ATP8B1: variants seen among roughly 807,000 people sequenced by gnomAD.
ATP8B1 encodes the protein phospholipid-transporting ATPase IC.
In ATP8B1, 80 loss-of-function variants were observed where a neutral mutation model predicts 149.9. The ratio of observed to expected loss-of-function variants is 0.53; its 90% CI spans 0.45 to 0.64. The LOEUF is 0.64. ATP8B1 is among the 30% of genes least tolerant of loss of function. The pLI is 0.00. For synonymous variants in ATP8B1, 536 were observed against 562.8 expected (o/e 0.95, Z 0.67); for missense variants, 1,247 against 1,552.6 (o/e 0.80, Z 3.31).
At chr18:57,728,586 G>C (rs544597709) in intron 2 of ATP8B1, among the ~76,000 whole-genome samples, 20 of 152,138 alleles carry the variant, frequency 1.3e-4, no homozygotes, top group African/African-American at 4.8e-4. Flanking sequence ...GGCGCAGAGA[G>C]GTATTAGAAT....
intron 1 of ATP8B1, among the ~76,000 whole-genome samples, chr18:57,794,056 TTC>T (rs1446437727): frequency 6.6e-6 from 1 of 152,192 alleles, no homozygotes; most frequent in Non-Finnish European, 1.5e-5. Flanking sequence ...AACCCCAGTA[TTC>T]TTTTTGTGGC....
At chr18:57,682,107 C>T (rs1324319551) in intron 15 of ATP8B1, among the ~76,000 whole-genome samples, 3 of 151,474 alleles carry the variant, frequency 2.0e-5, no homozygotes, top group Admixed American at 6.6e-5. Flanking sequence ...CAGGTTCAAG[C>T]GATTCTCCTG....
rs140462879 is a variant in ATP8B1 at position 57,651,921 on chromosome 18, A to C, written c.3400+113T>G. The C allele has an allele frequency of 1.3e-3, 1,711 of 1,348,220 alleles. 24 individuals carry two copies. The African/African-American group carries it at 0.023, about 18-fold the overall frequency. The allele number at this position is 1,348,220 out of a possible 1,614,324, so 83.5% of individuals were successfully genotyped here. On this transcript the variant is annotated intron_variant, in intron 26 of 27. Transcript: ENST00000648908. ...AATGCTGGGATTACAGGTGTGAGCC[A>C]CTGTGCCCAGCCATTCCACCTTGTA...
chr18:57,741,429 T>C (rs1349329751), intron 1 of ATP8B1, among the ~76,000 whole-genome samples: 2 of 152,228 alleles, frequency 1.3e-5, no homozygotes, highest in South Asian at 2.1e-4. Context: ...CAGCAGGGAC[T>C]GGAGCCCTCA....
intron 3 of ATP8B1, among the ~76,000 whole-genome samples, chr18:57,705,858 T>TTTA (rs888130782): frequency 2.4e-4 from 37 of 151,888 alleles, no homozygotes; most frequent in Non-Finnish European, 4.1e-4. Context: ...ACACTTAATA[T>TTTA]TTATTATTAT....
chr18:57,730,628 G>A (rs2079753200), intron 2 of ATP8B1, among the ~76,000 whole-genome samples: 1 of 152,146 alleles, frequency 6.6e-6, no homozygotes, highest in African/African-American at 2.4e-5. Context: ...AGCAAGCCAT[G>A]TTCTACTGCC....
At chr18:57,719,373 C>T (rs1490838611) in intron 2 of ATP8B1, among the ~76,000 whole-genome samples, 1 of 152,174 alleles carries the variant, frequency 6.6e-6, no homozygotes, top group Non-Finnish European at 1.5e-5. Context: ...TAGGGAGTGC[C>T]AGACAGTGGG....
intron 15 of ATP8B1, among the ~76,000 whole-genome samples, chr18:57,681,251 C>A (rs1468470809): frequency 6.9e-6 from 1 of 143,974 alleles, no homozygotes; most frequent in African/African-American, 2.5e-5. Flanking sequence ...GGAGGGCAAC[C>A]CAGTTGATAA....
intron 15 of ATP8B1, among the ~76,000 whole-genome samples, chr18:57,681,824 G>C (rs1911991688): frequency 6.6e-6 from 1 of 151,918 alleles, no homozygotes; most frequent in Non-Finnish European, 1.5e-5. Context: ...AAACTTGAAG[G>C]TGTAGTCCCC....
intron 10 of ATP8B1, 54 bp downstream of exon 10, chr18:57,695,116 CT>C: frequency 1.3e-6 from 2 of 1,596,742 alleles, no homozygotes; most frequent in Non-Finnish European, 8.6e-7. Flanking sequence ...AAGCAATCCC[CT>C]CTAAGTCTTT....
Position 57,672,886 on chromosome 18 carries a change from GTATATATA to G in ATP8B1, c.1820-1314_1820-1307del, listed in dbSNP as rs1198919117. On this transcript the variant is annotated intron_variant, in intron 16 of 27. Coordinates refer to ENST00000648908, the MANE Select transcript of ATP8B1 (RefSeq NM_001374385.1). ...TGTCTCAAAAAAAAAAAAAAAAAAA[GTATATATA>G]TATATATATATATATATATATATAT... 2.0e-3 allele frequency among the ~76,000 whole-genome samples: 28 copies of G among 14,060 alleles called. 1 individual carries two copies. Among genetic ancestry groups the G allele is most frequent in the African/African-American group, 6.2e-3 (27 of 4,342 alleles). 9.2% of individuals were successfully genotyped at this position (14,060 alleles called of 152,430 possible).
rs34315917 is a variant in ATP8B1, at chr18:57,691,850, T to C, written c.1177A>G (p.Ile393Val). The change falls in exon 12 of 28, where the codon ATC becomes GTC. Residue 393 changes from isoleucine (I) to valine (V), a missense_variant. Physicochemically the swap from Ile to Val is conservative, Grantham distance 29. This residue lies in a region of ATP8B1 where 853 missense variants were observed against 1,035.7 expected (regional missense o/e 0.82). Transcript: ENST00000648908. Reference sequence around the variant, plus strand: ...GGTACCATGGTGTTGAGAACAATGATATAGCCCCAGAAAATGAGGAATCCA... The same window carrying C: ...GGTACCATGGTGTTGAGAACAATGACATAGCCCCAGAAAATGAGGAATCCA... Reference protein sequence around the residue: ...YRGFLIFWGYIIVLNTMVPIS... With the variant: ...YRGFLIFWGYVIVLNTMVPIS... 5.1e-3 allele frequency: 8,274 copies of C among 1,614,120 alleles called. 27 individuals are homozygous for C. Among genetic ancestry groups the C allele is most frequent in the Non-Finnish European group, 6.2e-3 (7,318 of 1,179,992 alleles).
chr18:57,715,461 A>G (rs920764196), intron 2 of ATP8B1, among the ~76,000 whole-genome samples: 2 of 152,204 alleles, frequency 1.3e-5, no homozygotes, highest in Non-Finnish European at 2.9e-5. Flanking sequence ...TATTCAAAGG[A>G]TAATAACAGA....
intron 2 of ATP8B1, among the ~76,000 whole-genome samples, chr18:57,717,171 G>C (rs935605084): frequency 7.2e-5 from 11 of 152,114 alleles, no homozygotes. Context: ...CACAGTGAAA[G>C]CAGTACTAGG....
Position 57,648,902 on chromosome 18 carries a change from C to CT in ATP8B1, c.3532-191dup, listed in dbSNP as rs956440325. Among the ~76,000 whole-genome samples the CT allele has an allele frequency of 3.7e-3, 201 of 53,720 alleles. 3 individuals carry two copies. Among genetic ancestry groups the CT allele is most frequent in the African/African-American group, 0.018 (182 of 10,292 alleles). The allele number at this position is 53,720 out of a possible 152,430, so 35.2% of individuals were successfully genotyped here. On this transcript the variant is annotated intron_variant, in intron 27 of 27. Transcript: ENST00000648908. Reference sequence around the variant, plus strand: ...TGTGTGTGTGTATGTGTGTCTATATCTTTTTTTTTGTTTTTGAGACAGTCT... The same window carrying CT: ...TGTGTGTGTGTATGTGTGTCTATATCTTTTTTTTTTGTTTTTGAGACAGTCT...
chr18:57,665,121 C>T (rs1419277977), intron 20 of ATP8B1, among the ~76,000 whole-genome samples: 7 of 151,328 alleles, frequency 4.6e-5, no homozygotes, highest in East Asian at 1.9e-4. Flanking sequence ...TCACTCCCCA[C>T]GGAGAATCAC....
chr18:57,698,653 A>T (rs1251783069), intron 6 of ATP8B1, among the ~76,000 whole-genome samples: 1 of 152,184 alleles, frequency 6.6e-6, no homozygotes, highest in African/African-American at 2.4e-5. Context: ...TCTTAATTGT[A>T]AAGGCTTAAC....
chr18:57,661,059 C>G lies in ATP8B1; in HGVS notation c.2707+115G>C, dbSNP rs1354212326. The G allele has an allele frequency of 7.3e-6, 10 of 1,370,126 alleles. No homozygotes were observed. In the African/African-American group the frequency reaches 1.3e-4, roughly 18 times the overall value. The allele number at this position is 1,370,126 out of a possible 1,614,324, so 84.9% of individuals were successfully genotyped here. ...GTTAAGTGACTTTATGAAACATCTG[C>G]TCTATGAAAACCTAAGCTGTAAAAT... On this transcript the variant is annotated intron_variant, in intron 22 of 27. Coordinates refer to ENST00000648908, the MANE Select transcript of ATP8B1 (RefSeq NM_001374385.1).
chr18:57,791,346 C>CTTTTTT lies in ATP8B1; in HGVS notation c.-26+11651_-26+11652insAAAAAA, dbSNP rs1473257768. The stretch of plus-strand genomic sequence containing the variant: ...TTCCTTCCTTTTTTCTTTTTCTTTT[C>CTTTTTT]TTTTCTTTTTTTTTTTTTTTTTGAG... On this transcript the variant is annotated intron_variant, in intron 1 of 27. Coordinates refer to ENST00000648908, the MANE Select transcript of ATP8B1 (RefSeq NM_001374385.1). Among the ~76,000 whole-genome samples, 96 of 124,944 alleles carry CTTTTTT rather than the reference C, an allele frequency of 7.7e-4. 2 individuals carry two copies. The highest frequency in any genetic ancestry group is 3.1e-3 in the African/African-American group (91 of 29,514). 82.0% of individuals were successfully genotyped at this position (124,944 alleles called of 152,430 possible).
Sources: allele counts gnomAD v4.1 joint callset (sites outside exome capture counted in the v4.1 genomes callset), GRCh38; gene constraint gnomAD v4.1.1; regional missense constraint gnomAD v4.1.1; transcripts MANE v1.5; gene names NCBI Gene and HGNC (gene_info 2026-07-23, HGNC 2026-07-21).